Variants in TIPIN observed in about 807,000 individuals in gnomAD.
TIPIN encodes the protein TIMELESS-interacting protein.
In TIPIN, 29 loss-of-function variants were observed where a neutral mutation model predicts 35.6. The ratio of observed to expected loss-of-function variants is 0.82; its 90% CI spans 0.61 to 1.11. TIPIN has a LOEUF of 1.11. TIPIN is among the 50% of genes most tolerant of loss of function. TIPIN has a pLI of 0.00. For synonymous variants in TIPIN, 102 were observed against 121.5 expected, an observed-to-expected ratio of 0.84 and a Z score of 1.06; for missense variants, 296 against 345.4, an observed-to-expected ratio of 0.86 and a Z score of 1.13.
intron 1 of TIPIN, among the ~76,000 whole-genome samples, chr15:66,366,341 C>T (rs932579196): frequency 1.3e-5 from 2 of 151,896 alleles, no homozygotes; most frequent in Non-Finnish European, 1.5e-5. Context: ...GTAGTCCCAG[C>T]TACTCGGGAG....
At chr15:66,370,798 A>C (rs1224176285) in intron 1 of TIPIN, among the ~76,000 whole-genome samples, 2 of 152,202 alleles carry the variant, frequency 1.3e-5, no homozygotes, top group Non-Finnish European at 2.9e-5. Flanking sequence ...AAAGAATAAA[A>C]GATCTTAATT....
chr15:66,383,425 G>T, intron 1 of TIPIN: 1 of 191,022 alleles, frequency 5.2e-6, no homozygotes, highest in Non-Finnish European at 9.7e-6. Flanking sequence ...ACCACATTCA[G>T]ATAATTTTTG....
At chr15:66,350,599 T>G (rs2072219626) in intron 4 of TIPIN, among the ~76,000 whole-genome samples, 1 of 133,530 alleles carries the variant, frequency 7.5e-6, no homozygotes, top group Admixed American at 7.7e-5. Flanking sequence ...GGGCAAAACT[T>G]CATCTCAAAA....
chr15:66,339,749 A>G (rs1195252279), intron 7 of TIPIN, among the ~76,000 whole-genome samples: 3 of 152,158 alleles, frequency 2.0e-5, no homozygotes, highest in Non-Finnish European at 4.4e-5. Flanking sequence ...CTAATAATAT[A>G]TTTTTTAATA....
Position 66,336,766 on chromosome 15 carries a change from A to C in TIPIN, c.*192T>G. On this transcript the variant is annotated 3_prime_UTR_variant, in exon 8 of 8. Transcript: ENST00000261881. ...AAGAAATACCTATATAAAAACAAAC[A>C]CTAAAGAGAACAAATAGATTTAACT... The C allele has an allele frequency of 1.8e-6, 1 of 551,246 alleles. No individual in the cohort carries two copies. Among genetic ancestry groups the C allele is most frequent in the Non-Finnish European group, 3.2e-6 (1 of 313,152 alleles). The allele number at this position is 551,246 out of a possible 1,614,324, so 34.1% of individuals were successfully genotyped here.
intron 1 of TIPIN, among the ~76,000 whole-genome samples, chr15:66,376,999 T>C (rs2093299183): frequency 6.7e-6 from 1 of 148,518 alleles, no homozygotes; most frequent in South Asian, 2.1e-4. Flanking sequence ...TACCAGTTAC[T>C]CAGAAGGCTG....
chr15:66,340,300 C>T (rs1043840238), intron 7 of TIPIN, among the ~76,000 whole-genome samples: 2 of 150,266 alleles, frequency 1.3e-5, no homozygotes, highest in Admixed American at 1.3e-4. Flanking sequence ...GCCTCAGCCT[C>T]CCAAGTGGCT....
intron 1 of TIPIN, among the ~76,000 whole-genome samples, chr15:66,380,921 G>C (rs1182718121): frequency 6.6e-6 from 1 of 152,094 alleles, no homozygotes; most frequent in African/African-American, 2.4e-5. Flanking sequence ...TTCTTGTCCA[G>C]TATTTAATCA....
At chr15:66,350,696 A>G (rs4776780) in intron 4 of TIPIN, among the ~76,000 whole-genome samples, 149,091 of 151,092 alleles carry the variant, frequency 0.99, 73,585 homozygotes, top group East Asian at 1. Context: ...TTGGGAGGCC[A>G]AGGCGGGCGG....
chr15:66,352,241 A>C, intron 2 of TIPIN, 34 bp from the exon 3 acceptor site: 1 of 1,446,034 alleles, frequency 6.9e-7, no homozygotes, highest in Non-Finnish European at 9.5e-7. Context: ...GTATTACTGT[A>C]CTTAAATGAT....
chr15:66,366,064 A>G (rs1269897714), intron 1 of TIPIN, among the ~76,000 whole-genome samples: 1 of 151,682 alleles, frequency 6.6e-6, no homozygotes, highest in Non-Finnish European at 1.5e-5. Flanking sequence ...TGAATTGCCC[A>G]CCTCTTGTTA....
intron 1 of TIPIN, among the ~76,000 whole-genome samples, chr15:66,375,526 T>TATATATATATATA (rs1379361107): frequency 1.4e-5 from 2 of 139,742 alleles, no homozygotes; most frequent in Non-Finnish European, 3.1e-5. Context: ...TATATATATA[T>TATATATATATATA]ATTTCAAAAG....
At chr15:66,345,950 CT>C (rs869186534) in intron 6 of TIPIN, among the ~76,000 whole-genome samples, 274 of 143,390 alleles carry the variant, frequency 1.9e-3, no homozygotes, top group Non-Finnish European at 1.9e-3. Flanking sequence ...AATTTATCTC[CT>C]TTTTTTTTTT....
chr15:66,343,874 T>G (rs2093104857), intron 6 of TIPIN, among the ~76,000 whole-genome samples: 3 of 152,136 alleles, frequency 2.0e-5, no homozygotes, highest in Admixed American at 2.0e-4. Context: ...GGCACATGAC[T>G]GTAATCCCAC....
chr15:66,349,631 C>T (rs1024080498), intron 4 of TIPIN, among the ~76,000 whole-genome samples, 194 bp from the exon 5 acceptor site: 8 of 152,076 alleles, frequency 5.3e-5, no homozygotes, highest in Non-Finnish European at 8.8e-5. Context: ...GTAATTCTAG[C>T]ACTATGGGAG....
intron 1 of TIPIN, among the ~76,000 whole-genome samples, chr15:66,381,175 C>G (rs1324315904): frequency 1.3e-5 from 2 of 152,118 alleles, no homozygotes; most frequent in East Asian, 3.9e-4. Flanking sequence ...GTGGCTCACA[C>G]CTGTAATCCC....
At chr15:66,356,770 C>T, upstream of TIPIN, 1 of 982,326 alleles carries the variant, frequency 1.0e-6, no homozygotes, top group African/African-American at 1.7e-5. Context: ...GGGGGCTGGG[C>T]GGAGCCTGCA....
rs778194305 is a variant in TIPIN at position 66,336,919 on chromosome 15, G to A, written c.*39C>T. 1.3e-6 allele frequency: 2 copies of A among 1,570,644 alleles called. No individual in the cohort carries two copies. The highest frequency in any genetic ancestry group is 1.7e-6 in the Non-Finnish European group (2 of 1,146,696). On this transcript the variant is annotated 3_prime_UTR_variant, in exon 8 of 8. Transcript: ENST00000261881. The stretch of plus-strand genomic sequence containing the variant: ...ATACATAGTAACGCCAAGCTTGCAG[G>A]ACGATGACTTAACAGATACATTTTC...
chr15:66,352,905 A>G lies in TIPIN; in HGVS notation c.43T>C (p.Tyr15His). The G allele has an allele frequency of 6.2e-7, 1 of 1,614,064 alleles. No homozygotes were observed. The highest frequency in any genetic ancestry group is 8.5e-7 in the Non-Finnish European group (1 of 1,179,982). Reference protein sequence around the residue: ...QENGVIDLPDYEHVEDETFPP... With the variant: ...QENGVIDLPDHEHVEDETFPP... ...AAAGTTTCATCTTCTACATGCTCAT[A>G]ATCTGGTAGGTCAATCACGCCATTC... The change falls in exon 2 of 8, where the codon TAT becomes CAT. Residue 15 changes from tyrosine (Y) to histidine (H), a missense_variant. Tyr to His is a moderately conservative substitution (Grantham distance 83, BLOSUM62 2). Transcript: ENST00000261881.
Sources: allele counts gnomAD v4.1 joint callset (sites outside exome capture counted in the v4.1 genomes callset), GRCh38; gene constraint gnomAD v4.1.1; transcripts MANE v1.5; gene names NCBI Gene and HGNC (gene_info 2026-07-23, HGNC 2026-07-21).